The following MCTP1 variants were observed in gnomAD, a reference collection of about 807,000 sequenced individuals.
MCTP1 encodes the protein multiple C2 and transmembrane domain-containing protein 1.
In MCTP1, 69 loss-of-function variants were observed where a neutral mutation model predicts 120.6. The observed-to-expected ratio is 0.57, with a 90% CI of 0.47 to 0.70. The LOEUF (loss-of-function observed/expected upper bound fraction) is 0.70, where lower values mean the gene tolerates loss of function less well. MCTP1 is among the 30% of genes least tolerant of loss of function. MCTP1 has a pLI of 0.00. For missense variants in MCTP1, 1,203 were observed against 1,248.8 expected (o/e 0.96, Z 0.55); for synonymous variants, 529 against 493.1 (o/e 1.07, Z -0.96).
intron 1 of MCTP1, among the ~76,000 whole-genome samples, chr5:95,039,878 C>CAAAAAAAAAAA (rs57011733): frequency 2.6e-5 from 2 of 77,620 alleles, no homozygotes; most frequent in Non-Finnish European, 4.7e-5. Flanking sequence ...GTACCGTTTG[C>CAAAAAAAAAAA]AAAAAAAAAA....
chr5:95,101,013 T>C (rs1414636136), intron 1 of MCTP1, among the ~76,000 whole-genome samples: 2 of 152,210 alleles, frequency 1.3e-5, no homozygotes, highest in Non-Finnish European at 2.9e-5. Flanking sequence ...TTGAACGTTT[T>C]ATGCCAGTGA....
intron 2 of MCTP1, among the ~76,000 whole-genome samples, chr5:94,965,557 G>A (rs1052308166): frequency 6.6e-6 from 1 of 152,080 alleles, no homozygotes; most frequent in Admixed American, 6.5e-5. Context: ...ACTGGACAAG[G>A]GGTGTAATCT....
Position 94,764,293 on chromosome 5 carries a change from C to T in MCTP1, c.2610+14817G>A, listed in dbSNP as rs368307897. Among the ~76,000 whole-genome samples, 4 of 152,272 alleles carry T rather than the reference C, an allele frequency of 2.6e-5. 1 individual carries two copies. In the South Asian group the frequency reaches 8.3e-4, roughly 32 times the overall value. On this transcript the variant is annotated intron_variant, in intron 19 of 22. Transcript: ENST00000515393. Reference sequence around the variant, plus strand: ...GTAAAAAGGCAGGTGACATTGTCACCACCATGTTAACAACTCTAGAATAGC... The same window carrying T: ...GTAAAAAGGCAGGTGACATTGTCACTACCATGTTAACAACTCTAGAATAGC...
chr5:95,113,124 C>T (rs1401463170), intron 1 of MCTP1, among the ~76,000 whole-genome samples: 2 of 152,014 alleles, frequency 1.3e-5, no homozygotes, highest in East Asian at 3.9e-4. Flanking sequence ...ACCTTTTGAA[C>T]TGAGTACCAT....
At position 95,074,810 on chromosome 5, in the gene MCTP1, T is replaced by C. The variant is rs188186938; in HGVS notation, c.721-57326A>G. On this transcript the variant is annotated intron_variant, in intron 1 of 22. Coordinates refer to ENST00000515393, the MANE Select transcript of MCTP1 (RefSeq NM_024717.7). ...ACAAGGAAATTAGGTCAAGCTTAAA[T>C]TGATTTATGCTGTGCACAATTAACA... Among the ~76,000 whole-genome samples the C allele has an allele frequency of 5.1e-4, 77 of 152,314 alleles. No homozygotes were observed. The Middle Eastern group carries it at 0.02, about 40-fold the overall frequency.
intron 1 of MCTP1, among the ~76,000 whole-genome samples, chr5:95,117,390 C>CAAAAAAAAA (rs34952779): frequency 3.0e-5 from 2 of 66,106 alleles, no homozygotes; most frequent in Non-Finnish European, 5.1e-5. Flanking sequence ...GACTCCGTCT[C>CAAAAAAAAA]AAAAAAAAAA....
intron 1 of MCTP1, among the ~76,000 whole-genome samples, chr5:95,129,164 G>A (rs896033561): frequency 6.6e-6 from 1 of 152,204 alleles, no homozygotes; most frequent in Admixed American, 6.5e-5. Flanking sequence ...TAAACTTCAT[G>A]CAAGGTTAAA....
intron 19 of MCTP1, among the ~76,000 whole-genome samples, chr5:94,742,308 G>C (rs539494810): frequency 4.9e-4 from 75 of 152,286 alleles, no homozygotes; most frequent in African/African-American, 1.8e-3. Flanking sequence ...TCCTGCCTCA[G>C]CCTCCCAAAG....
rs544342955 is a variant in MCTP1, at chr5:95,284,845, C to G, written c.-270G>C. 1.2e-4 allele frequency among the ~76,000 whole-genome samples: 18 copies of G among 152,184 alleles called. No individual in the cohort carries two copies. In the East Asian group the frequency reaches 1.9e-3, roughly 16 times the overall value. On this transcript the variant is annotated 5_prime_UTR_variant, in exon 1 of 23. Transcript: ENST00000515393. The surrounding 1 kb of genome is among the most constrained non-coding windows in gnomAD (Gnocchi z 5.2). ...TGCTGGGGTGGGCTGGAGCCGTAACCGAATCCCGGCCGCGGCGCCTGCAAA... is the reference window on the plus strand; with the variant it reads ...TGCTGGGGTGGGCTGGAGCCGTAACGGAATCCCGGCCGCGGCGCCTGCAAA...
At chr5:94,782,765 A>G (rs150252875) in intron 18 of MCTP1, among the ~76,000 whole-genome samples, 3 of 152,312 alleles carry the variant, frequency 2.0e-5, no homozygotes, top group East Asian at 1.9e-4. Flanking sequence ...CCAGTTGCCC[A>G]AACACTTGTG....
At chr5:95,237,359 GT>G (rs1265180690) in intron 1 of MCTP1, among the ~76,000 whole-genome samples, 2 of 152,164 alleles carry the variant, frequency 1.3e-5, no homozygotes, top group Non-Finnish European at 2.9e-5. Context: ...AAAAGTAACG[GT>G]TTTTGCCATT....
intron 1 of MCTP1, among the ~76,000 whole-genome samples, chr5:95,086,117 A>T (rs935174564): frequency 6.6e-6 from 1 of 152,246 alleles, no homozygotes; most frequent in East Asian, 1.9e-4. Flanking sequence ...AAAATATAAA[A>T]ATTAAATGTT....
At chr5:94,850,691 C>A (rs373696102) in intron 17 of MCTP1, among the ~76,000 whole-genome samples, 276 of 152,174 alleles carry the variant, frequency 1.8e-3, no homozygotes, top group South Asian at 5.8e-3. Context: ...GGTTTCTTTT[C>A]TTTCTGAATA....
intron 1 of MCTP1, among the ~76,000 whole-genome samples, chr5:95,080,402 T>C (rs1387471731): frequency 6.6e-6 from 1 of 152,198 alleles, no homozygotes; most frequent in Non-Finnish European, 1.5e-5. Context: ...TCAAATATGT[T>C]TGGAAGTTGA....
intron 18 of MCTP1, among the ~76,000 whole-genome samples, chr5:94,795,180 G>C (rs1478672482): frequency 4.7e-5 from 7 of 150,376 alleles, no homozygotes; most frequent in African/African-American, 1.7e-4. Context: ...CTTTTCTCAA[G>C]GAAGAGCTCT....
intron 19 of MCTP1, among the ~76,000 whole-genome samples, chr5:94,715,240 C>T (rs1447048341): frequency 6.6e-6 from 1 of 151,880 alleles, no homozygotes; most frequent in South Asian, 2.1e-4. Context: ...TCCACTGATA[C>T]ACTACTTAGT....
chr5:95,276,573 T>A (rs1271099274), intron 1 of MCTP1, among the ~76,000 whole-genome samples: 1 of 150,270 alleles, frequency 6.7e-6, no homozygotes, highest in Non-Finnish European at 1.5e-5. Context: ...GGGATTTTAA[T>A]CTGAGTCATG....
chr5:94,855,948 C>T (rs1208188461), intron 17 of MCTP1, among the ~76,000 whole-genome samples: 2 of 151,594 alleles, frequency 1.3e-5, no homozygotes, highest in Non-Finnish European at 3.0e-5. Context: ...AAGAAGTTTC[C>T]ATGAGCTAGC....
intron 19 of MCTP1, among the ~76,000 whole-genome samples, chr5:94,733,888 C>T (rs574756553): frequency 1.5e-4 from 23 of 150,854 alleles, no homozygotes; most frequent in South Asian, 1.5e-3. Flanking sequence ...TGCTTGAACC[C>T]GGGAGGCAGA....
Sources: allele counts gnomAD v4.1 joint callset (sites outside exome capture counted in the v4.1 genomes callset), GRCh38; gene constraint gnomAD v4.1.1; non-coding constraint Gnocchi (gnomAD v3.1); transcripts MANE v1.5; gene names NCBI Gene and HGNC (gene_info 2026-07-23, HGNC 2026-07-21).